ADGRB3: variants seen among roughly 807,000 people sequenced by gnomAD.
The protein encoded by ADGRB3 is brain-specific angiogenesis inhibitor 3.
A neutral mutation model predicts 193.4 loss-of-function variants in ADGRB3; 37 were observed. The observed-to-expected ratio is 0.19, with a 90% CI of 0.15 to 0.25. ADGRB3 has a LOEUF of 0.25. ADGRB3 is among the 10% of genes least tolerant of loss of function. The pLI is 1.00. For missense variants in ADGRB3, 1,637 were observed against 1,852.9 expected, an observed-to-expected ratio of 0.88 and a Z score of 2.14; for synonymous variants, 690 against 644.2, an observed-to-expected ratio of 1.07 and a Z score of -1.08.
At chr6:69,295,541 G>T (rs890235008) in intron 20 of ADGRB3, among the ~76,000 whole-genome samples, 3 of 152,118 alleles carry the variant, frequency 2.0e-5, no homozygotes, top group Non-Finnish European at 1.5e-5. Context: ...TCCTCCAAGG[G>T]CTGAGAAGAA....
intron 3 of ADGRB3, among the ~76,000 whole-genome samples, chr6:68,911,160 A>G (rs1766695110): frequency 6.6e-6 from 1 of 151,448 alleles, no homozygotes; most frequent in Admixed American, 6.6e-5. Flanking sequence ...AGCAAACTAT[A>G]GCAAGGACAA....
At chr6:69,119,379 C>T (rs532328985) in intron 17 of ADGRB3, among the ~76,000 whole-genome samples, 8 of 151,958 alleles carry the variant, frequency 5.3e-5, no homozygotes, top group African/African-American at 1.2e-4. Context: ...CAAAGATCCC[C>T]GTTCTCTTGG....
chr6:69,297,372 C>CTCTCTT (rs1554192076), intron 20 of ADGRB3, among the ~76,000 whole-genome samples: 2 of 85,348 alleles, frequency 2.3e-5, no homozygotes, highest in African/African-American at 8.5e-5. Flanking sequence ...CTCTCTTTCT[C>CTCTCTT]TCTCTCTCTC....
At chr6:69,347,034 AG>A (rs1264503085) in intron 26 of ADGRB3, among the ~76,000 whole-genome samples, 1 of 152,228 alleles carries the variant, frequency 6.6e-6, no homozygotes, top group Non-Finnish European at 1.5e-5. Context: ...AGCCATAAAA[AG>A]GATGGTTTCA....
At chr6:68,758,449 C>T (rs1766337506) in intron 3 of ADGRB3, among the ~76,000 whole-genome samples, 1 of 152,126 alleles carries the variant, frequency 6.6e-6, no homozygotes, top group African/African-American at 2.4e-5. Flanking sequence ...CTAACAAACA[C>T]AGTATCGACA....
chr6:68,935,518 CAG>C (rs1267525925), intron 4 of ADGRB3, among the ~76,000 whole-genome samples: 1 of 152,142 alleles, frequency 6.6e-6, no homozygotes, highest in Non-Finnish European at 1.5e-5. Context: ...ACAAAGTTTT[CAG>C]AAACATTTCA....
intron 3 of ADGRB3, among the ~76,000 whole-genome samples, chr6:68,785,737 C>T (rs1160961902): frequency 1.3e-5 from 2 of 152,126 alleles, no homozygotes; most frequent in African/African-American, 4.8e-5. Context: ...GCCACACCAA[C>T]TTCCACAATG....
intron 20 of ADGRB3, among the ~76,000 whole-genome samples, chr6:69,298,588 A>C (rs1161096804): frequency 6.6e-6 from 1 of 151,858 alleles, no homozygotes; most frequent in Non-Finnish European, 1.5e-5. Context: ...GTGTGTCTTC[A>C]TGAGATCAAT....
intron 10 of ADGRB3, among the ~76,000 whole-genome samples, chr6:68,984,498 G>A (rs1308148146): frequency 6.6e-6 from 1 of 152,150 alleles, no homozygotes; most frequent in Admixed American, 6.6e-5. Context: ...TCAACACAAA[G>A]AACAGGAGAT....
chr6:69,240,731 A>T (rs1308840068), intron 20 of ADGRB3, among the ~76,000 whole-genome samples: 1 of 151,998 alleles, frequency 6.6e-6, no homozygotes, highest in East Asian at 1.9e-4. Context: ...ACCTTAAGGA[A>T]TTATTAAATT....
chr6:69,206,045 G>GTATATATATATA (rs56741913), intron 17 of ADGRB3, among the ~76,000 whole-genome samples: 1,471 of 99,698 alleles, frequency 0.015, 36 homozygotes, highest in Non-Finnish European at 0.018. Context: ...TATAATAATG[G>GTATATATATATA]TATATATATA....
chr6:68,827,169 G>C (rs1767860381), intron 3 of ADGRB3, among the ~76,000 whole-genome samples: 1 of 152,172 alleles, frequency 6.6e-6, no homozygotes, highest in South Asian at 2.1e-4. Context: ...CAGAAAGGCA[G>C]ATTGATATTG....
chr6:68,936,860 G>A (rs1227112290), intron 5 of ADGRB3, among the ~76,000 whole-genome samples, 180 bp downstream of exon 5: 1 of 152,210 alleles, frequency 6.6e-6, no homozygotes, highest in East Asian at 1.9e-4. Flanking sequence ...TTTTAAAGCA[G>A]TCAGCAAATT....
chr6:69,375,601 T>C (rs149130684), intron 30 of ADGRB3, among the ~76,000 whole-genome samples: 2,325 of 152,204 alleles, frequency 0.015, 52 homozygotes, highest in African/African-American at 0.053. Flanking sequence ...CCTAATGTGA[T>C]GTTAAAACAG....
intron 20 of ADGRB3, among the ~76,000 whole-genome samples, chr6:69,274,950 T>C (rs1038493099): frequency 2.0e-5 from 3 of 152,156 alleles, no homozygotes; most frequent in African/African-American, 7.2e-5. Context: ...CTGTTTAGGA[T>C]TTTTCATTTG....
intron 17 of ADGRB3, among the ~76,000 whole-genome samples, chr6:69,133,190 A>T (rs1774060477): frequency 1.3e-5 from 2 of 152,118 alleles, no homozygotes. Context: ...ATGGGATCAC[A>T]TTGAATCTAT....
intron 3 of ADGRB3, among the ~76,000 whole-genome samples, chr6:68,643,321 A>G (rs1353574739): frequency 6.6e-6 from 1 of 151,494 alleles, no homozygotes; most frequent in Admixed American, 6.6e-5. Flanking sequence ...TTGCAATCTA[A>G]TGTGATTTGA....
At chr6:69,109,120 C>G (rs981716261) in intron 17 of ADGRB3, among the ~76,000 whole-genome samples, 1 of 152,086 alleles carries the variant, frequency 6.6e-6, no homozygotes, top group Non-Finnish European at 1.5e-5. Flanking sequence ...AACTACCCAC[C>G]GTAGTGGCCT....
intron 17 of ADGRB3, among the ~76,000 whole-genome samples, chr6:69,115,261 A>G (rs1449379060): frequency 1.3e-5 from 2 of 152,364 alleles, no homozygotes; most frequent in South Asian, 2.1e-4. Context: ...AATACTATGC[A>G]GCCATAGAAA....
Sources: allele counts gnomAD v4.1 joint callset (sites outside exome capture counted in the v4.1 genomes callset), GRCh38; gene constraint gnomAD v4.1.1; transcripts MANE v1.5; gene names NCBI Gene and HGNC (gene_info 2026-07-23, HGNC 2026-07-21).